Variants in CCDC178 observed in about 807,000 individuals in gnomAD.
The protein encoded by CCDC178 is coiled-coil domain-containing protein 178.
In CCDC178, 126 loss-of-function variants were observed where a neutral mutation model predicts 117.4. The ratio of observed to expected loss-of-function variants is 1.07; its 90% CI spans 0.93 to 1.24. The LOEUF (loss-of-function observed/expected upper bound fraction) is 1.24. CCDC178 is among the 50% of genes most tolerant of loss of function. The pLI is 0.00. For synonymous variants in CCDC178, 283 were observed against 313.4 expected (o/e 0.90, Z 1.02); for missense variants, 1,030 against 986.9 (o/e 1.04, Z -0.59).
intron 19 of CCDC178, among the ~76,000 whole-genome samples, chr18:33,212,596 CT>C (rs1242983176): frequency 1.3e-5 from 2 of 151,766 alleles, no homozygotes; most frequent in South Asian, 4.1e-4. Context: ...AAGATGATGC[CT>C]TTTTTATTGT....
intron 4 of CCDC178, among the ~76,000 whole-genome samples, chr18:33,393,186 A>AGTTGTGGTGTC (rs2063584878): frequency 6.6e-6 from 1 of 152,030 alleles, no homozygotes; most frequent in African/African-American, 2.4e-5. Context: ...ACCTATGAGA[A>AGTTGTGGTGTC]TATTTCATAT....
intron 12 of CCDC178, among the ~76,000 whole-genome samples, chr18:33,271,944 T>C (rs2059896147): frequency 6.6e-6 from 1 of 151,514 alleles, no homozygotes; most frequent in Non-Finnish European, 1.5e-5. Context: ...CTAGCTCTAA[T>C]TGCCTACATT....
At chr18:32,959,980 T>C (rs1178593605) in intron 22 of CCDC178, among the ~76,000 whole-genome samples, 1 of 152,116 alleles carries the variant, frequency 6.6e-6, no homozygotes, top group East Asian at 1.9e-4. Context: ...ATAAGCTTAT[T>C]TTATTTTAAA....
intron 21 of CCDC178, among the ~76,000 whole-genome samples, chr18:33,049,279 G>T (rs560295425): frequency 4.6e-5 from 7 of 152,044 alleles, no homozygotes; most frequent in Admixed American, 3.3e-4. Context: ...AACTTATAAA[G>T]ATGTTAATAA....
chr18:33,266,183 A>C (rs1364587031), intron 14 of CCDC178, among the ~76,000 whole-genome samples: 4 of 151,966 alleles, frequency 2.6e-5, no homozygotes, highest in Non-Finnish European at 4.4e-5. Context: ...GATATAGACA[A>C]TTCATAAGTT....
chr18:33,402,950 G>A (rs910269219), intron 3 of CCDC178, among the ~76,000 whole-genome samples: 1 of 152,212 alleles, frequency 6.6e-6, no homozygotes, highest in Non-Finnish European at 1.5e-5. Flanking sequence ...TAGACTTGTA[G>A]ATTTTTTTAA....
chr18:33,179,172 G>A (rs1370187345), intron 20 of CCDC178, among the ~76,000 whole-genome samples: 4 of 111,356 alleles, frequency 3.6e-5, no homozygotes, highest in African/African-American at 7.4e-5. Flanking sequence ...TATATATATA[G>A]TTTTAAGGAG....
chr18:33,094,263 A>G (rs750022701), intron 20 of CCDC178, among the ~76,000 whole-genome samples: 12 of 152,062 alleles, frequency 7.9e-5, no homozygotes, highest in Non-Finnish European at 1.2e-4. Context: ...AGAAATTTCT[A>G]TCTATAAACT....
chr18:33,042,850 A>C (rs1038954973), intron 21 of CCDC178, among the ~76,000 whole-genome samples: 2 of 151,956 alleles, frequency 1.3e-5, no homozygotes, highest in African/African-American at 4.8e-5. Flanking sequence ...AAAAGTGAGA[A>C]GATAATGGTG....
rs549565689 is a variant in CCDC178, at chr18:33,255,170, G to A, written c.1410-9742C>T. Among the ~76,000 whole-genome samples, 30 of 152,134 alleles carry A rather than the reference G, an allele frequency of 2.0e-4. 1 individual carries two copies. Among genetic ancestry groups the A allele is most frequent in the Non-Finnish European group, 4.0e-4 (27 of 67,960 alleles). Reference sequence around the variant, plus strand: ...TCTCCAGCATGTTCTGATGCAGCACGAAAGCCCTAGCCAGGATGGGGTCAT... The same window carrying A: ...TCTCCAGCATGTTCTGATGCAGCACAAAAGCCCTAGCCAGGATGGGGTCAT... On this transcript the variant is annotated intron_variant, in intron 14 of 22. Transcript: ENST00000383096.
At chr18:33,004,725 G>A (rs2055713811) in intron 21 of CCDC178, among the ~76,000 whole-genome samples, 1 of 151,528 alleles carries the variant, frequency 6.6e-6, no homozygotes, top group African/African-American at 2.4e-5. Context: ...TCTGACAAAG[G>A]ATTAATAACC....
At chr18:33,399,156 C>T (rs1015817711) in intron 3 of CCDC178, among the ~76,000 whole-genome samples, 9 of 151,056 alleles carry the variant, frequency 6.0e-5, no homozygotes, top group East Asian at 2.0e-4. Flanking sequence ...GCTGAGATCA[C>T]GCCACTGCAC....
chr18:33,094,289 T>C (rs183092976), intron 20 of CCDC178, among the ~76,000 whole-genome samples: 54 of 152,146 alleles, frequency 3.5e-4, no homozygotes, highest in Admixed American at 1.2e-3. Context: ...AAAATCACAT[T>C]GAATTATTTT....
chr18:33,051,185 T>C (rs1321154023), intron 21 of CCDC178, among the ~76,000 whole-genome samples: 1 of 152,156 alleles, frequency 6.6e-6, no homozygotes, highest in Admixed American at 6.6e-5. Context: ...GTTCTGGGAT[T>C]ACATGCATAA....
chr18:33,392,709 T>A (rs950451328), intron 4 of CCDC178, among the ~76,000 whole-genome samples: 5 of 151,908 alleles, frequency 3.3e-5, no homozygotes, highest in African/African-American at 1.2e-4. Flanking sequence ...AAATATAAAA[T>A]TGGAAAGCCG....
chr18:33,118,092 C>T (rs1458380208), intron 20 of CCDC178, among the ~76,000 whole-genome samples: 1 of 152,028 alleles, frequency 6.6e-6, no homozygotes, highest in Non-Finnish European at 1.5e-5. Context: ...GAATTCACTC[C>T]ATAGTAAATG....
At chr18:33,208,681 T>C (rs1412252698) in intron 20 of CCDC178, among the ~76,000 whole-genome samples, 1 of 152,044 alleles carries the variant, frequency 6.6e-6, no homozygotes, top group Non-Finnish European at 1.5e-5. Context: ...GAGAATAAAT[T>C]TGTTTGAAAT....
At chr18:33,216,089 C>A (rs2059162515) in intron 18 of CCDC178, among the ~76,000 whole-genome samples, 1 of 151,906 alleles carries the variant, frequency 6.6e-6, no homozygotes, top group Non-Finnish European at 1.5e-5. Flanking sequence ...CAGAGTGAGA[C>A]CCTGTCTCTA....
chr18:33,246,451 C>A (rs1169392840), intron 14 of CCDC178, among the ~76,000 whole-genome samples: 1 of 151,772 alleles, frequency 6.6e-6, no homozygotes, highest in Non-Finnish European at 1.5e-5. Flanking sequence ...CTTAACAGAA[C>A]ACAGAGAAGA....
Sources: allele counts gnomAD v4.1 joint callset (sites outside exome capture counted in the v4.1 genomes callset), GRCh38; gene constraint gnomAD v4.1.1; transcripts MANE v1.5; gene names NCBI Gene and HGNC (gene_info 2026-07-23, HGNC 2026-07-21).